ATP11C: variants seen among roughly 807,000 people sequenced by gnomAD.
The protein encoded by ATP11C is phospholipid-transporting ATPase IG.
ATP11C carries 36 observed loss-of-function variants against 97.4 expected under a neutral mutation model. The observed-to-expected ratio is 0.37, with a 90% CI of 0.28 to 0.49. The LOEUF (loss-of-function observed/expected upper bound fraction) is 0.49. ATP11C is among the 20% of genes least tolerant of loss of function. The pLI, the probability that ATP11C is intolerant of heterozygous loss-of-function variation, is 0.98. For synonymous variants in ATP11C, 275 were observed against 290.9 expected, an observed-to-expected ratio of 0.95 and a Z score of 0.56; for missense variants, 730 against 824.6, an observed-to-expected ratio of 0.89 and a Z score of 1.40.
At chrX:139,864,214 T>C (rs1040988822) in intron 1 of ATP11C, among the ~76,000 whole-genome samples, 1 of 112,515 alleles carries the variant, frequency 8.9e-6, no homozygotes, top group South Asian at 3.6e-4. Flanking sequence ...ATAATATAAA[T>C]GTACAGTTTT....
chrX:139,893,213 G>GT (rs1299603022), intron 1 of ATP11C, among the ~76,000 whole-genome samples: 1 of 110,752 alleles, frequency 9.0e-6, no homozygotes, highest in Admixed American at 9.6e-5. Context: ...TAATTTTTGG[G>GT]TTTTTTTGTT....
At position 139,903,600 on chromosome X, in the gene ATP11C, A is replaced by G. The variant is rs769361648; in HGVS notation, c.27+28416T>C. Among the ~76,000 whole-genome samples, 7 of 108,032 alleles carry G rather than the reference A, an allele frequency of 6.5e-5. No homozygotes were observed. In the South Asian group the frequency reaches 2.9e-3, roughly 45 times the overall value. 93.8% of individuals were successfully genotyped at this position (108,032 alleles called of 115,157 possible). On this transcript the variant is annotated intron_variant, in intron 1 of 29. Transcript: ENST00000682941. ...TAGTACCCTTTATAATAAACCGGTA[A>G]GCATTAAAAAAAAAAAAATTAACTA...
intron 1 of ATP11C, among the ~76,000 whole-genome samples, chrX:139,915,655 T>C (rs1357598836): frequency 2.7e-5 from 3 of 109,857 alleles, no homozygotes; most frequent in Non-Finnish European, 5.7e-5. Context: ...CAAGACTCTA[T>C]CTCAAAAAAA....
Position 139,783,241 on chromosome X carries a change from C to T in ATP11C, c.1693G>A (p.Ala565Thr). The T allele has an allele frequency of 8.3e-7, 1 of 1,202,895 alleles. No homozygotes were observed. ...ACTCTGGGAAAAACTGCCGAGTCTG[C>T]TCCTTTACAAAAGAGAAGTATGTCT... ...EGDILLFCKG[A>T]DSAVFPRVQN... Residue 565 changes from alanine to threonine, a missense_variant, in exon 17 of 30, where the codon GCA becomes ACA. Physicochemically the swap from Ala to Thr is moderately conservative, Grantham distance 58. Coordinates refer to ENST00000682941, the MANE Select transcript of ATP11C (RefSeq NM_001353812.2).
intron 1 of ATP11C, among the ~76,000 whole-genome samples, chrX:139,828,664 T>C (rs2083581871): frequency 8.9e-6 from 1 of 112,174 alleles, no homozygotes; most frequent in Non-Finnish European, 1.9e-5. Flanking sequence ...AAGAAGTGGC[T>C]GCAGAGTAAA....
chrX:139,762,006 T>C lies in ATP11C; in HGVS notation c.2595A>G (p.Leu865=), dbSNP rs1440453280. 1 of 1,202,044 alleles carries C rather than the reference T, an allele frequency of 8.3e-7. No homozygotes were observed. The highest frequency in any genetic ancestry group is 1.1e-6 in the Non-Finnish European group (1 of 888,257). The change falls in exon 22 of 30, where the codon CTA becomes CTG. Residue 865 remains leucine (L), a synonymous_variant. Coordinates refer to ENST00000682941, the MANE Select transcript of ATP11C (RefSeq NM_001353812.2). The stretch of plus-strand genomic sequence containing the variant: ...CAAGGTGTGCTATTCTCACATAATA[T>C]AGATGTCCATGAGCCAACAGCAGTT... ...LKKLLLAHGH[L]YYVRIAHLVQ...
intron 22 of ATP11C, among the ~76,000 whole-genome samples, chrX:139,758,156 T>G (rs775704194): frequency 8.9e-5 from 10 of 112,229 alleles, no homozygotes; most frequent in Non-Finnish European, 1.3e-4. Context: ...TATGAACACC[T>G]AATGATACTG....
intron 1 of ATP11C, among the ~76,000 whole-genome samples, chrX:139,919,551 T>C (rs1490991271): frequency 9.1e-6 from 1 of 109,929 alleles, no homozygotes; most frequent in East Asian, 2.9e-4. Flanking sequence ...TCCTGAAAAG[T>C]TTAAACATAC....
intron 14 of ATP11C, 145 bp from the exon 15 acceptor site, chrX:139,787,389 C>T: frequency 2.5e-6 from 1 of 398,442 alleles, no homozygotes; most frequent in Non-Finnish European, 4.1e-6. Context: ...CCTTCACCTC[C>T]CAGTTTCAAG....
intron 6 of ATP11C, among the ~76,000 whole-genome samples, chrX:139,802,687 G>A (rs1307767418): frequency 2.7e-5 from 3 of 111,251 alleles, no homozygotes; most frequent in Non-Finnish European, 5.7e-5. Flanking sequence ...TTACAGAACT[G>A]AGACTTATTA....
chrX:139,931,417 C>A (rs1409557634), intron 1 of ATP11C, among the ~76,000 whole-genome samples: 1 of 111,775 alleles, frequency 8.9e-6, no homozygotes, highest in Non-Finnish European at 1.9e-5. Context: ...ATCCACCCGG[C>A]CCACCCTGAC....
intron 23 of ATP11C, among the ~76,000 whole-genome samples, chrX:139,752,498 C>A (rs2081842198): frequency 9.0e-6 from 1 of 111,707 alleles, no homozygotes. Flanking sequence ...AGACTGAAGA[C>A]AATCCACGGT....
chrX:139,909,195 G>A (rs935940165), intron 1 of ATP11C, among the ~76,000 whole-genome samples: 1 of 110,875 alleles, frequency 9.0e-6, no homozygotes, highest in Non-Finnish European at 1.9e-5. Context: ...GCAGTGGCGC[G>A]ATCTTGGCTC....
intron 1 of ATP11C, among the ~76,000 whole-genome samples, chrX:139,903,673 A>C (rs2084932479): frequency 9.1e-6 from 1 of 109,709 alleles, no homozygotes. Context: ...CCTCTCTCTG[A>C]TTTCAACCAG....
At chrX:139,746,433 G>C (rs944598932) in intron 24 of ATP11C, among the ~76,000 whole-genome samples, 1 of 111,886 alleles carries the variant, frequency 8.9e-6, no homozygotes, top group African/African-American at 3.2e-5. Context: ...GGAACCACTA[G>C]TGTAGCAGCC....
chrX:139,887,746 G>A (rs1044571780), intron 1 of ATP11C, among the ~76,000 whole-genome samples: 6 of 110,967 alleles, frequency 5.4e-5, no homozygotes, highest in Non-Finnish European at 9.4e-5. Context: ...AAGGTGGGCG[G>A]ATTTGCCTGA....
chrX:139,782,319 T>A (rs1461903829), intron 18 of ATP11C, among the ~76,000 whole-genome samples: 2 of 105,613 alleles, frequency 1.9e-5, no homozygotes, highest in Admixed American at 2.0e-4. Flanking sequence ...AGAGCGAGAC[T>A]CTGTCTCAAA....
intron 1 of ATP11C, among the ~76,000 whole-genome samples, chrX:139,904,543 CTTTT>C (rs2084945832): frequency 9.0e-6 from 1 of 111,200 alleles, no homozygotes; most frequent in African/African-American, 3.3e-5. Flanking sequence ...AAATAATATG[CTTTT>C]TTATTTTTTA....
intron 19 of ATP11C, among the ~76,000 whole-genome samples, chrX:139,772,426 G>C (rs1448086130): frequency 8.9e-6 from 1 of 111,803 alleles, no homozygotes; most frequent in Non-Finnish European, 1.9e-5. Context: ...CTGATTAGTG[G>C]AGCTATGAGA....
Sources: allele counts gnomAD v4.1 joint callset (sites outside exome capture counted in the v4.1 genomes callset), GRCh38; gene constraint gnomAD v4.1.1; transcripts MANE v1.5; gene names NCBI Gene and HGNC (gene_info 2026-07-23, HGNC 2026-07-21).